The following CTNNA3 variants were observed in gnomAD, a reference collection of about 807,000 sequenced individuals.
The protein encoded by CTNNA3 is catenin alpha 3.
Under a neutral mutation model 95.7 loss-of-function variants are expected in CTNNA3, and 76 were observed. That is an observed-to-expected ratio of 0.79 (90% confidence interval 0.66 to 0.96). CTNNA3 has a LOEUF of 0.96. Ranked by LOEUF, CTNNA3 falls within the 40% of genes least tolerant of loss-of-function variation. The probability of loss-of-function intolerance (pLI) is 0.00; values close to 1 mark genes in which losing one functional copy is unlikely to be tolerated. For synonymous variants in CTNNA3, 431 were observed against 374.4 expected (o/e 1.15, Z -1.74); for missense variants, 1,191 against 1,089.8 (o/e 1.09, Z -1.31).
At chr10:67,289,605 TAA>T (rs1439628673) in intron 5 of CTNNA3, among the ~76,000 whole-genome samples, 1 of 152,174 alleles carries the variant, frequency 6.6e-6, no homozygotes, top group African/African-American at 2.4e-5. Flanking sequence ...AATAATCATC[TAA>T]AACATGTTCA....
At chr10:66,363,122 T>G (rs1245556154) in intron 12 of CTNNA3, among the ~76,000 whole-genome samples, 2 of 152,226 alleles carry the variant, frequency 1.3e-5, no homozygotes, top group African/African-American at 4.8e-5. Context: ...TGCTAAACAT[T>G]AGGCCAAAAA....
intron 1 of CTNNA3, among the ~76,000 whole-genome samples, chr10:67,712,753 C>T (rs1330645241): frequency 1.3e-5 from 2 of 152,168 alleles, no homozygotes; most frequent in African/African-American, 4.8e-5. Context: ...GAAACTGGAC[C>T]TCGTCCTTAC....
At chr10:66,055,467 T>C (rs1014753514) in intron 15 of CTNNA3, among the ~76,000 whole-genome samples, 8 of 152,170 alleles carry the variant, frequency 5.3e-5, no homozygotes, top group Non-Finnish European at 8.8e-5. Context: ...TTTATTTTAT[T>C]TGTGGCTATT....
chr10:66,527,510 T>A (rs565032370), intron 10 of CTNNA3, among the ~76,000 whole-genome samples: 12 of 152,304 alleles, frequency 7.9e-5, no homozygotes, highest in African/African-American at 2.9e-4. Context: ...AGTATTATCA[T>A]CTTCATAATA....
chr10:65,939,794 T>C (rs1320535060), intron 17 of CTNNA3, among the ~76,000 whole-genome samples: 1 of 152,178 alleles, frequency 6.6e-6, no homozygotes, highest in Non-Finnish European at 1.5e-5. Flanking sequence ...TGATGAATTA[T>C]ATAATGATAG....
At chr10:66,544,707 T>TTG (rs1841984629) in intron 10 of CTNNA3, among the ~76,000 whole-genome samples, 1 of 152,140 alleles carries the variant, frequency 6.6e-6, no homozygotes, top group African/African-American at 2.4e-5. Context: ...TAATTGTGTT[T>TTG]TGTTTTGCTT....
At chr10:66,086,534 T>G (rs1439711388) in intron 14 of CTNNA3, among the ~76,000 whole-genome samples, 1 of 152,086 alleles carries the variant, frequency 6.6e-6, no homozygotes, top group African/African-American at 2.4e-5. Context: ...TGCAAATTAT[T>G]TTATTTTACC....
chr10:66,680,842 A>G (rs1481562558), intron 9 of CTNNA3, among the ~76,000 whole-genome samples: 1 of 152,192 alleles, frequency 6.6e-6, no homozygotes, highest in Non-Finnish European at 1.5e-5. Flanking sequence ...AAGAAATATA[A>G]GCAATTTAGC....
chr10:67,539,719 T>A, intron 3 of CTNNA3, 50 bp from the exon 4 acceptor site: 1 of 1,533,176 alleles, frequency 6.5e-7, no homozygotes, highest in Non-Finnish European at 9.0e-7. Context: ...CAACTATGCC[T>A]ATTTCAGGAT....
Position 66,927,334 on chromosome 10 carries a change from C to G in CTNNA3, c.1048-151810G>C, listed in dbSNP as rs147373916. 3.1e-6 allele frequency: 5 copies of G among 1,614,044 alleles called. No homozygotes were observed. Among genetic ancestry groups the G allele is most frequent in the Non-Finnish European group, 4.2e-6 (5 of 1,180,050 alleles). On this transcript the variant is annotated intron_variant, in intron 7 of 17. Transcript: ENST00000433211. This position sits in a 1 kb window ranked among gnomAD's most constrained non-coding sequence, Gnocchi z 4.7. ...TGTGACAAATTTACGGAACTTGGAT[C>G]TGTCCTATAATCAGCTGCATTCTCT...
chr10:66,874,591 C>T (rs931199592), intron 7 of CTNNA3, among the ~76,000 whole-genome samples: 1 of 152,096 alleles, frequency 6.6e-6, no homozygotes, highest in African/African-American at 2.4e-5. Context: ...AAACTATACC[C>T]ACATGCAGTA....
chr10:67,416,739 A>G (rs1261975645), intron 5 of CTNNA3, among the ~76,000 whole-genome samples: 4 of 152,098 alleles, frequency 2.6e-5, no homozygotes, highest in Middle Eastern at 3.2e-3. Context: ...AGTCAAAACC[A>G]CAATGAAATT....
intron 3 of CTNNA3, among the ~76,000 whole-genome samples, chr10:67,556,954 G>A (rs1304260377): frequency 6.6e-6 from 1 of 152,176 alleles, no homozygotes; most frequent in Non-Finnish European, 1.5e-5. Flanking sequence ...GGTATGCTGT[G>A]TCTTTGTTCT....
intron 1 of CTNNA3, among the ~76,000 whole-genome samples, chr10:67,727,897 GTATAA>G (rs962619366): frequency 3.2e-4 from 41 of 129,104 alleles, no homozygotes; most frequent in South Asian, 6.8e-4. Context: ...ATTATATTAT[GTATAA>G]TATATTATGT....
At chr10:67,095,079 T>G (rs1234641167) in intron 7 of CTNNA3, among the ~76,000 whole-genome samples, 1 of 151,532 alleles carries the variant, frequency 6.6e-6, no homozygotes, top group East Asian at 1.9e-4. Context: ...TACCCCTATA[T>G]ATACACATGG....
At chr10:66,814,020 A>G (rs1352552012) in intron 7 of CTNNA3, among the ~76,000 whole-genome samples, 1 of 152,210 alleles carries the variant, frequency 6.6e-6, no homozygotes, top group Non-Finnish European at 1.5e-5. Context: ...GCTAGAAAAT[A>G]TATTCAATAA....
intron 11 of CTNNA3, among the ~76,000 whole-genome samples, chr10:66,401,392 G>T (rs1222467088): frequency 6.6e-6 from 1 of 151,790 alleles, no homozygotes; most frequent in Non-Finnish European, 1.5e-5. Context: ...CATGGATGGT[G>T]GTGTGTCCCT....
At chr10:67,307,165 A>G (rs1044227070) in intron 5 of CTNNA3, among the ~76,000 whole-genome samples, 8 of 152,200 alleles carry the variant, frequency 5.3e-5, no homozygotes, top group African/African-American at 1.9e-4. Context: ...CCTCATCAGG[A>G]AAGTATGGAA....
At chr10:67,197,374 A>G (rs1414722641) in intron 6 of CTNNA3, among the ~76,000 whole-genome samples, 1 of 152,118 alleles carries the variant, frequency 6.6e-6, no homozygotes, top group Non-Finnish European at 1.5e-5. Context: ...ACTTCTGTCT[A>G]TAATGATGTC....
Sources: allele counts gnomAD v4.1 joint callset (sites outside exome capture counted in the v4.1 genomes callset), GRCh38; gene constraint gnomAD v4.1.1; non-coding constraint Gnocchi (gnomAD v3.1); transcripts MANE v1.5; gene names NCBI Gene and HGNC (gene_info 2026-07-23, HGNC 2026-07-21).